FMN1: variants seen among roughly 807,000 people sequenced by gnomAD.
The protein encoded by FMN1 is formin 1.
FMN1 carries 110 observed loss-of-function variants against 132.4 expected under a neutral mutation model. That is an observed-to-expected ratio of 0.83 (90% confidence interval 0.71 to 0.97). The LOEUF (loss-of-function observed/expected upper bound fraction) is 0.97. Ranked by LOEUF, FMN1 falls within the 50% of genes least tolerant of loss-of-function variation. The pLI is 0.00. For missense variants in FMN1, 1,792 were observed against 1,705.3 expected (o/e 1.05, Z -0.90); for synonymous variants, 722 against 651.7 (o/e 1.11, Z -1.64).
intron 16 of FMN1, among the ~76,000 whole-genome samples, chr15:32,884,314 A>C (rs996738805): frequency 4.6e-5 from 7 of 152,078 alleles, no homozygotes; most frequent in Non-Finnish European, 1.0e-4. Context: ...CCACTTCTAG[A>C]GGCTTCCCAC....
intron 5 of FMN1, among the ~76,000 whole-genome samples, chr15:33,069,151 G>C (rs2037885243): frequency 6.6e-6 from 1 of 152,188 alleles, no homozygotes; most frequent in African/African-American, 2.4e-5. Context: ...AACAAAAACA[G>C]GACAGACAAA....
chr15:33,155,424 T>C (rs898130885), intron 3 of FMN1, among the ~76,000 whole-genome samples: 63 of 152,212 alleles, frequency 4.1e-4, no homozygotes, highest in Admixed American at 2.6e-4. Flanking sequence ...TTGAGATCCT[T>C]AGAAAACACA....
chr15:32,773,089 TA>T lies in FMN1; in HGVS notation c.*1220del, dbSNP rs1159351527. The T allele has an allele frequency of 4.6e-5, 7 of 152,210 alleles. No homozygotes were observed. Among genetic ancestry groups the T allele is most frequent in the African/African-American group, 1.7e-4 (7 of 41,448 alleles). The allele number at this position is 152,210 out of a possible 1,614,324, so 9.4% of individuals were successfully genotyped here. A position where few individuals can be genotyped will look rare whatever the true frequency, so the allele number is the denominator to read the frequency against. On this transcript the variant is annotated 3_prime_UTR_variant, in exon 21 of 21. Transcript: ENST00000616417. ...CTCACAAGATTTCAGAGACGTGGCT[TA>T]AAGACAAAAGTGTCAGAGAGGTCAA...
intron 9 of FMN1, among the ~76,000 whole-genome samples, chr15:32,947,300 C>T (rs2061531287): frequency 6.6e-6 from 1 of 152,054 alleles, no homozygotes; most frequent in Admixed American, 6.6e-5. Context: ...TGAGATACCA[C>T]ATTTGTCATG....
At chr15:32,937,465 C>A (rs2061303373) in intron 9 of FMN1, among the ~76,000 whole-genome samples, 1 of 152,214 alleles carries the variant, frequency 6.6e-6, no homozygotes, top group African/African-American at 2.4e-5. Context: ...GAATTTCTCA[C>A]AAAGGGAACT....
chr15:32,777,471 A>ATG (rs1555451082), intron 19 of FMN1, among the ~76,000 whole-genome samples: 2 of 136,514 alleles, frequency 1.5e-5, no homozygotes, highest in Admixed American at 7.6e-5. Flanking sequence ...TATTACGTAT[A>ATG]TTTATATATT....
At chr15:32,834,557 G>C (rs2058580410) in intron 17 of FMN1, among the ~76,000 whole-genome samples, 3 of 152,116 alleles carry the variant, frequency 2.0e-5, no homozygotes, top group Non-Finnish European at 4.4e-5. Context: ...TCCAAACAAA[G>C]AAACCGACTG....
At chr15:33,099,728 C>A (rs976586694) in intron 4 of FMN1, among the ~76,000 whole-genome samples, 2 of 152,148 alleles carry the variant, frequency 1.3e-5, no homozygotes, top group African/African-American at 4.8e-5. Flanking sequence ...CAATTGGCAT[C>A]CCCATTTATG....
At chr15:33,098,397 C>T (rs1304920526) in intron 4 of FMN1, among the ~76,000 whole-genome samples, 2 of 152,166 alleles carry the variant, frequency 1.3e-5, no homozygotes, top group Non-Finnish European at 2.9e-5. Flanking sequence ...TGAGCTCCCA[C>T]CTCCCCCTCT....
intron 17 of FMN1, among the ~76,000 whole-genome samples, chr15:32,848,984 T>TG (rs1555472075): frequency 1.6e-4 from 21 of 131,886 alleles, no homozygotes; most frequent in South Asian, 8.0e-4. Context: ...TTTGTTTTTT[T>TG]TTTTTTTTTT....
intron 15 of FMN1, among the ~76,000 whole-genome samples, chr15:32,891,249 TTA>T (rs1040176231): frequency 2.0e-5 from 3 of 152,184 alleles, no homozygotes; most frequent in African/African-American, 2.4e-5. Context: ...CGTATGAGTT[TTA>T]GAGTTCTTTT....
At position 33,154,992 on chromosome 15, in the gene FMN1, G is replaced by T; in HGVS notation, c.-78C>A. 2 of 1,186,274 alleles carry T rather than the reference G, an allele frequency of 1.7e-6. No homozygotes were observed. The highest frequency in any genetic ancestry group is 2.3e-6 in the Non-Finnish European group (2 of 865,858). The allele number at this position is 1,186,274 out of a possible 1,614,324, so 73.5% of individuals were successfully genotyped here. A position where few individuals can be genotyped will look rare whatever the true frequency, so the allele number is the denominator to read the frequency against. On this transcript the variant is annotated 5_prime_UTR_variant, in exon 4 of 21. Transcript: ENST00000616417. ...CCCAGGCTCCAGTGGTGAGGCATGT[G>T]ATGGTGGCTATGCAGAGAAAGCAGC...
At chr15:32,993,925 T>C (rs1370654676) in intron 7 of FMN1, among the ~76,000 whole-genome samples, 4 of 151,244 alleles carry the variant, frequency 2.6e-5, no homozygotes, top group African/African-American at 9.7e-5. Context: ...GGGGGGTCTT[T>C]TGGAAATGCA....
intron 10 of FMN1, among the ~76,000 whole-genome samples, chr15:32,919,508 AC>A (rs1451595906): frequency 2.6e-5 from 4 of 152,226 alleles, no homozygotes; most frequent in African/African-American, 9.6e-5. Context: ...GCTCATAAGA[AC>A]CCAAAGCCAT....
chr15:33,058,085 T>TGGGGCTGGTGGTGGAAAGGTGCGGC (rs2037314516), intron 6 of FMN1, among the ~76,000 whole-genome samples: 1 of 115,912 alleles, frequency 8.6e-6, no homozygotes, highest in Non-Finnish European at 2.1e-5. Context: ...AAAGGTGTGA[T>TGGGGCTGGTGGTGGAAAGGTGCGGC]GGGGGTGCTG....
At chr15:33,129,637 C>A (rs1963447782) in intron 4 of FMN1, among the ~76,000 whole-genome samples, 1 of 152,126 alleles carries the variant, frequency 6.6e-6, no homozygotes, top group South Asian at 2.1e-4. Context: ...GATGAGGAGA[C>A]TGAATCTGAG....
intron 6 of FMN1, among the ~76,000 whole-genome samples, chr15:33,031,800 C>G (rs2035949697): frequency 6.6e-6 from 1 of 152,132 alleles, no homozygotes; most frequent in African/African-American, 2.4e-5. Flanking sequence ...ACAGATGTCA[C>G]AGAAATAGGA....
chr15:33,016,897 A>C (rs1181664960), intron 6 of FMN1, among the ~76,000 whole-genome samples: 1 of 152,100 alleles, frequency 6.6e-6, no homozygotes, highest in Non-Finnish European at 1.5e-5. Flanking sequence ...TAAAAACCCC[A>C]AGCCAGTTTT....
intron 6 of FMN1, among the ~76,000 whole-genome samples, chr15:33,040,915 C>A (rs12910855): frequency 0.18 from 27,675 of 152,148 alleles, 2,703 homozygotes; most frequent in Middle Eastern, 0.24. Flanking sequence ...TACAGAGTCA[C>A]TGGATACTTT....
Sources: gnomAD v4.1 joint callset for allele counts (sites outside exome capture counted in the v4.1 genomes callset) on GRCh38, gnomAD v4.1.1 for gene constraint, MANE v1.5 for transcripts, NCBI Gene and HGNC (gene_info 2026-07-23, HGNC 2026-07-21) for gene names.